The following OR52N4 variants were observed in gnomAD, a reference collection of about 807,000 sequenced individuals.
OR52N4 encodes the protein olfactory receptor family 52 subfamily N member 4.
OR52N4 carries 15 observed loss-of-function variants against 15.0 expected under a neutral mutation model. The observed-to-expected ratio is 1.00, with a 90% CI of 0.67 to 1.54. The LOEUF is 1.54. Ranked by LOEUF, OR52N4 falls within the 40% of genes most tolerant of loss-of-function variation. OR52N4 has a pLI of 0.00. For synonymous variants in OR52N4, 143 were observed against 143.7 expected (o/e 1.00, Z 0.03); for missense variants, 421 against 394.0 (o/e 1.07, Z -0.58).
At chr11:5,737,587 T>A in the OR52N4 span, 41 of 1,130,170 alleles carry the variant, frequency 3.6e-5, 1 homozygote, top group Non-Finnish European at 4.7e-5. Flanking sequence ...CCTTTGGGAT[T>A]CCCTTTTTAT....
chr11:5,743,494 C>T, the OR52N4 span, among the ~76,000 whole-genome samples: 1 of 152,152 alleles, frequency 6.6e-6, no homozygotes, highest in Non-Finnish European at 1.5e-5. Context: ...AATGCTAGGC[C>T]AGTCTCTATA....
chr11:5,747,040 T>C, the OR52N4 span, among the ~76,000 whole-genome samples: 1 of 53,724 alleles, frequency 1.9e-5, no homozygotes, highest in African/African-American at 6.5e-5. Flanking sequence ...GAGACCAGCC[T>C]GGTCAACATG....
the OR52N4 span, chr11:5,737,261 A>C: frequency 1.2e-6 from 2 of 1,614,120 alleles, no homozygotes; most frequent in Non-Finnish European, 1.7e-6. Flanking sequence ...GGCCCTGAGC[A>C]CTTGTAGTTC....
chr11:5,737,443 A>G, the OR52N4 span: 5 of 1,613,920 alleles, frequency 3.1e-6, no homozygotes, highest in Non-Finnish European at 3.4e-6. Flanking sequence ...AACTTAGGGC[A>G]GCCTTCCAAA....
At chr11:5,743,370 G>A in the OR52N4 span, among the ~76,000 whole-genome samples, 1 of 152,046 alleles carries the variant, frequency 6.6e-6, no homozygotes, top group South Asian at 2.1e-4. Context: ...AACTTAAATT[G>A]CCCTCTAGAT....
the OR52N4 span, chr11:5,737,119 G>C: frequency 2.5e-6 from 4 of 1,614,020 alleles, no homozygotes; most frequent in Non-Finnish European, 3.4e-6. Context: ...GTGATGACAG[G>C]AGGCCAAACA....
At chr11:5,742,762 T>C in the OR52N4 span, among the ~76,000 whole-genome samples, 1 of 151,908 alleles carries the variant, frequency 6.6e-6, no homozygotes, top group Non-Finnish European at 1.5e-5. Flanking sequence ...AATAAAAGGG[T>C]GATACTTGCG....
the OR52N4 span, among the ~76,000 whole-genome samples, chr11:5,727,632 C>T: frequency 6.6e-6 from 1 of 152,130 alleles, no homozygotes; most frequent in Non-Finnish European, 1.5e-5. Context: ...TTCTTTCTTT[C>T]CTTTCAGAGA....
rs1026398547 is a variant in OR52N4 at position 5,754,271 on chromosome 11, A to G, written c.-83A>G. ...GTCAGTCATTAAGAATAAAAATTAA[A>G]AAGTCAACATCTCATCTCTCAGATC... On this transcript the variant is annotated 5_prime_UTR_variant, in exon 1 of 2. Transcript: ENST00000641350. 3 of 153,256 alleles carry G rather than the reference A, an allele frequency of 2.0e-5. No homozygotes were observed. Among genetic ancestry groups the G allele is most frequent in the African/African-American group, 7.2e-5 (3 of 41,460 alleles). 9.5% of individuals were successfully genotyped at this position (153,256 alleles called of 1,614,324 possible). A position where few individuals can be genotyped will look rare whatever the true frequency, so the allele number is the denominator to read the frequency against.
chr11:5,741,884 C>G, the OR52N4 span, among the ~76,000 whole-genome samples: 1 of 152,048 alleles, frequency 6.6e-6, no homozygotes, highest in Non-Finnish European at 1.5e-5. Flanking sequence ...TAATAGGCAG[C>G]CAACAAGGGT....
At chr11:5,734,422 G>A in the OR52N4 span, among the ~76,000 whole-genome samples, 1 of 152,010 alleles carries the variant, frequency 6.6e-6, no homozygotes, top group Non-Finnish European at 1.5e-5. Context: ...AAAATATTAA[G>A]GCTCACATGG....
chr11:5,736,487 C>T, the OR52N4 span: 5 of 1,605,784 alleles, frequency 3.1e-6, no homozygotes, highest in Non-Finnish European at 4.3e-6. Context: ...GAGAACAATA[C>T]AAATAGAGAT....
the OR52N4 span, among the ~76,000 whole-genome samples, chr11:5,744,710 C>T: frequency 3.0e-5 from 4 of 131,728 alleles, no homozygotes; most frequent in African/African-American, 5.4e-5. Flanking sequence ...GTCAGGAGTT[C>T]GAGACCAGCC....
chr11:5,734,174 C>T, the OR52N4 span: 4 of 456,422 alleles, frequency 8.8e-6, no homozygotes, highest in Non-Finnish European at 1.8e-5. Flanking sequence ...TCTGTCTTTG[C>T]CCAGTAGAAA....
At position 5,755,239 on chromosome 11, in the gene OR52N4, C is replaced by A; in HGVS notation, c.499C>A (p.Leu167Ile). The change falls in exon 2 of 2, where the codon CTC (leucine) becomes ATC (isoleucine). Residue 167 changes from leucine (L) to isoleucine (I), a missense_variant. By Grantham distance (5) the Leu-to-Ile change is conservative. Coordinates refer to ENST00000641350, the MANE Select transcript of OR52N4 (RefSeq NM_001005175.5). ...LIIPFTFLTK[L>I]LPYCRGNILP... The stretch of plus-strand genomic sequence containing the variant: ...TATTCCCTTTACTTTCCTCACCAAG[C>A]TCCTGCCCTACTGCAGAGGCAATAT... The A allele has an allele frequency of 1.9e-6, 3 of 1,614,018 alleles. No homozygotes were observed. Among genetic ancestry groups the A allele is most frequent in the Non-Finnish European group, 2.5e-6 (3 of 1,179,962 alleles).
chr11:5,743,289 G>A, the OR52N4 span, among the ~76,000 whole-genome samples: 1 of 151,754 alleles, frequency 6.6e-6, no homozygotes, highest in African/African-American at 2.4e-5. Flanking sequence ...TAACAGGAGG[G>A]GACTACAATA....
chr11:5,737,390 C>T, the OR52N4 span: 1 of 1,613,998 alleles, frequency 6.2e-7, no homozygotes, highest in South Asian at 1.1e-5. Context: ...CAACATCATC[C>T]CCCCTTCCCT....
chr11:5,742,272 A>T, the OR52N4 span, among the ~76,000 whole-genome samples: 1 of 152,184 alleles, frequency 6.6e-6, no homozygotes, highest in Non-Finnish European at 1.5e-5. Flanking sequence ...GGGAGAAGAG[A>T]AATAAATAAA....
Position 5,755,759 on chromosome 11 carries a change from T to C in OR52N4, c.*53T>C. The C allele has an allele frequency of 6.4e-7, 1 of 1,563,910 alleles. No individual in the cohort carries two copies. Among genetic ancestry groups the C allele is most frequent in the Non-Finnish European group, 8.6e-7 (1 of 1,157,424 alleles). On this transcript the variant is annotated 3_prime_UTR_variant, in exon 2 of 2. Transcript: ENST00000641350. ...AAGGAAAGAATTACTTCTATTTGCC[T>C]CTTATGCAGGAGTTCATAAAATCTT...
Sources: gnomAD v4.1 joint callset for allele counts (sites outside exome capture counted in the v4.1 genomes callset) on GRCh38, gnomAD v4.1.1 for gene constraint, MANE v1.5 for transcripts, NCBI Gene and HGNC (gene_info 2026-07-23, HGNC 2026-07-21) for gene names.